The following NT5C2 variants were observed in gnomAD, a reference collection of about 807,000 sequenced individuals.
NT5C2 encodes the protein cytosolic purine 5'-nucleotidase.
In NT5C2, 58 loss-of-function variants were observed where a neutral mutation model predicts 76.1. The ratio of observed to expected loss-of-function variants is 0.76; its 90% CI spans 0.62 to 0.95. The LOEUF is 0.95. Among genes scored for constraint, NT5C2 ranks in the 40% least tolerant of loss-of-function variants. The pLI is 0.00. For synonymous variants in NT5C2, 229 were observed against 237.4 expected (o/e 0.96, Z 0.32); for missense variants, 478 against 690.3 (o/e 0.69, Z 3.45).
chr10:103,096,581 C>T (rs1016703030), intron 11 of NT5C2, among the ~76,000 whole-genome samples: 2 of 152,086 alleles, frequency 1.3e-5, no homozygotes, highest in Non-Finnish European at 2.9e-5. Flanking sequence ...CACAGTGACT[C>T]ACGCCTGTAA....
intron 3 of NT5C2, among the ~76,000 whole-genome samples, chr10:103,162,640 G>T (rs538340363): frequency 7.2e-5 from 11 of 152,146 alleles, no homozygotes; most frequent in African/African-American, 2.2e-4. Context: ...CTATTTTGCG[G>T]TATCTACAAA....
chr10:103,118,974 T>C (rs978329983), intron 4 of NT5C2, among the ~76,000 whole-genome samples: 3 of 152,134 alleles, frequency 2.0e-5, no homozygotes, highest in South Asian at 4.1e-4. Context: ...AGATCATGAA[T>C]GCATTTTTAA....
chr10:103,168,247 C>T (rs1214153042), intron 3 of NT5C2, among the ~76,000 whole-genome samples: 2 of 152,128 alleles, frequency 1.3e-5, no homozygotes, highest in African/African-American at 2.4e-5. Context: ...TAATAACGTG[C>T]CACATTTCAG....
intron 1 of NT5C2, among the ~76,000 whole-genome samples, chr10:103,187,352 T>C (rs985264569): frequency 2.6e-5 from 4 of 151,732 alleles, no homozygotes; most frequent in Non-Finnish European, 5.9e-5. Flanking sequence ...AAGACCAGCT[T>C]GGCCAAAATG....
chr10:103,157,526 T>C (rs1050132763), intron 3 of NT5C2, among the ~76,000 whole-genome samples: 2 of 152,196 alleles, frequency 1.3e-5, no homozygotes, highest in African/African-American at 4.8e-5. Flanking sequence ...GATGTAATGG[T>C]GTGAACTCAT....
intron 4 of NT5C2, among the ~76,000 whole-genome samples, chr10:103,110,076 TGAAGTTATATA>T (rs752068685): frequency 3.3e-5 from 5 of 152,198 alleles, no homozygotes; most frequent in Non-Finnish European, 7.3e-5. Flanking sequence ...TTTGCTGACG[TGAAGTTATATA>T]GCAAGTACAA....
At chr10:103,178,587 C>T (rs1329072150) in intron 2 of NT5C2, among the ~76,000 whole-genome samples, 2 of 152,022 alleles carry the variant, frequency 1.3e-5, no homozygotes, top group Non-Finnish European at 2.9e-5. Context: ...AATCCCAGCA[C>T]TTTGGGAGGC....
At chr10:103,168,345 T>G (rs2086921968) in intron 3 of NT5C2, among the ~76,000 whole-genome samples, 1 of 152,240 alleles carries the variant, frequency 6.6e-6, no homozygotes, top group African/African-American at 2.4e-5. Flanking sequence ...TCTGTTCTAC[T>G]GGAAGCATCA....
chr10:103,150,053 T>C (rs1188094664), intron 3 of NT5C2, among the ~76,000 whole-genome samples: 2 of 152,158 alleles, frequency 1.3e-5, no homozygotes, highest in South Asian at 4.1e-4. Flanking sequence ...GTCTCATTCC[T>C]CCACCAACTT....
At chr10:103,093,745 TA>T (rs57675623) in intron 14 of NT5C2, 499 of 450,984 alleles carry the variant, frequency 1.1e-3, no homozygotes, top group East Asian at 2.6e-3. Context: ...CAATAGGATT[TA>T]AAAAAAAAAC....
chr10:103,134,195 T>A (rs1301383053), intron 4 of NT5C2, among the ~76,000 whole-genome samples: 2 of 152,130 alleles, frequency 1.3e-5, no homozygotes, highest in Non-Finnish European at 1.5e-5. Context: ...CTAATGCTAA[T>A]CACCGAGACA....
At chr10:103,178,469 C>CAGCAGAGGTTGCAGTGAGGCGGAGGTTGA in intron 2 of NT5C2, among the ~76,000 whole-genome samples, 1 of 151,940 alleles carries the variant, frequency 6.6e-6, no homozygotes, top group Non-Finnish European at 1.5e-5. Flanking sequence ...CACTTGAGCC[C>CAGCAGAGGTTGCAGTGAGGCGGAGGTTGA]AGCAGAGGTT....
At chr10:103,099,829 T>C in intron 9 of NT5C2, 97 bp downstream of exon 9, 1 of 764,172 alleles carries the variant, frequency 1.3e-6, no homozygotes, top group Non-Finnish European at 2.2e-6. Context: ...TTTTCTTTTT[T>C]TAAAAAAAGA....
intron 12 of NT5C2, among the ~76,000 whole-genome samples, chr10:103,094,810 AG>A (rs34588165): frequency 6.9e-6 from 1 of 145,502 alleles, no homozygotes; most frequent in East Asian, 2.0e-4. Flanking sequence ...TGAACCTAGG[AG>A]GGGGAGGTTG....
At chr10:103,172,743 G>A (rs1337777679) in intron 3 of NT5C2, among the ~76,000 whole-genome samples, 3 of 152,194 alleles carry the variant, frequency 2.0e-5, no homozygotes, top group African/African-American at 7.2e-5. Context: ...GCTGAGGCAT[G>A]AGAATTGCTT....
chr10:103,154,669 T>C (rs1205911480), intron 3 of NT5C2, among the ~76,000 whole-genome samples: 6 of 152,186 alleles, frequency 3.9e-5, no homozygotes, highest in Admixed American at 2.6e-4. Flanking sequence ...CCAAGAACTA[T>C]TACTGAGGGT....
At chr10:103,109,737 G>A (rs1043050406) in intron 4 of NT5C2, among the ~76,000 whole-genome samples, 3 of 152,124 alleles carry the variant, frequency 2.0e-5, no homozygotes, top group Non-Finnish European at 2.9e-5. Context: ...GAGAAATTAG[G>A]TAACTATAGA....
At chr10:103,187,573 CTT>C (rs1190161970) in intron 1 of NT5C2, among the ~76,000 whole-genome samples, 4 of 138,136 alleles carry the variant, frequency 2.9e-5, no homozygotes, top group Admixed American at 7.2e-5. Context: ...AAAAAAAAAA[CTT>C]TTAATGTTTA....
At chr10:103,126,345 C>T (rs1303267610) in intron 4 of NT5C2, among the ~76,000 whole-genome samples, 3 of 152,222 alleles carry the variant, frequency 2.0e-5, no homozygotes, top group South Asian at 2.1e-4. Context: ...CATAGTTGGC[C>T]GGATGCAGTG....
Sources: allele counts gnomAD v4.1 joint callset (sites outside exome capture counted in the v4.1 genomes callset), GRCh38; gene constraint gnomAD v4.1.1; transcripts MANE v1.5; gene names NCBI Gene and HGNC (gene_info 2026-07-23, HGNC 2026-07-21).